LMBRD1: variants seen among roughly 807,000 people sequenced by gnomAD.
LMBRD1 encodes the protein LMBR1 domain containing 1.
A neutral mutation model predicts 74.8 loss-of-function variants in LMBRD1; 64 were observed. The ratio of observed to expected loss-of-function variants is 0.86; its 90% confidence interval spans 0.70 to 1.05. The LOEUF is 1.05. LMBRD1 is among the 50% of genes least tolerant of loss of function. The pLI is 0.00. For missense variants in LMBRD1, 652 were observed against 645.9 expected (o/e 1.01, Z -0.10); for synonymous variants, 204 against 216.3 (o/e 0.94, Z 0.50).
At chr6:69,695,234 G>C (rs1765969343) in intron 14 of LMBRD1, among the ~76,000 whole-genome samples, 1 of 151,202 alleles carries the variant, frequency 6.6e-6, no homozygotes, top group South Asian at 2.1e-4. Flanking sequence ...TATCCCTGAA[G>C]TCTCTCCTAA....
intron 1 of LMBRD1, among the ~76,000 whole-genome samples, chr6:69,795,316 T>C (rs756380325): frequency 1.3e-5 from 2 of 152,228 alleles, no homozygotes; most frequent in African/African-American, 2.4e-5. Context: ...ACCACAATTC[T>C]CATTTTCTTC....
chr6:69,791,060 GAA>G (rs1366133002), intron 1 of LMBRD1, among the ~76,000 whole-genome samples: 1 of 152,186 alleles, frequency 6.6e-6, no homozygotes, highest in Non-Finnish European at 1.5e-5. Flanking sequence ...GCTTTCCAGT[GAA>G]AAAAGTTCAC....
At chr6:69,699,922 T>C (rs1766089953) in intron 12 of LMBRD1, among the ~76,000 whole-genome samples, 2 of 151,980 alleles carry the variant, frequency 1.3e-5, no homozygotes, top group South Asian at 4.1e-4. Context: ...TGTGATAAAA[T>C]ATTAAACATG....
At chr6:69,744,426 C>T (rs576934338) in intron 5 of LMBRD1, among the ~76,000 whole-genome samples, 1 of 152,260 alleles carries the variant, frequency 6.6e-6, no homozygotes, top group Non-Finnish European at 1.5e-5. Flanking sequence ...CAAACTACAG[C>T]CTAGTAAGAT....
chr6:69,773,715 T>C (rs1765622172), intron 3 of LMBRD1, among the ~76,000 whole-genome samples: 1 of 152,234 alleles, frequency 6.6e-6, no homozygotes, highest in South Asian at 2.1e-4. Flanking sequence ...TGAACATCCA[T>C]ACAATGGAAA....
chr6:69,721,809 C>T (rs1285093559), intron 7 of LMBRD1, among the ~76,000 whole-genome samples: 1 of 152,112 alleles, frequency 6.6e-6, no homozygotes, highest in African/African-American at 2.4e-5. Flanking sequence ...TTAGACATGC[C>T]CTGTCCAGAA....
At chr6:69,774,386 A>G (rs1562121336) in intron 3 of LMBRD1, among the ~76,000 whole-genome samples, 1 of 152,348 alleles carries the variant, frequency 6.6e-6, no homozygotes, top group South Asian at 2.1e-4. Flanking sequence ...GAACAGGCTA[A>G]TAACATGAGG....
chr6:69,734,397 A>AT (rs66556444), intron 7 of LMBRD1, among the ~76,000 whole-genome samples: 2,390 of 144,248 alleles, frequency 0.017, 53 homozygotes, highest in African/African-American at 0.056. Context: ...AACAAAACCA[A>AT]TTTTTTTTTT....
intron 14 of LMBRD1, among the ~76,000 whole-genome samples, chr6:69,688,579 C>T (rs190654093): frequency 6.6e-6 from 1 of 151,828 alleles, no homozygotes; most frequent in East Asian, 1.9e-4. Context: ...CTTCAGTTAC[C>T]TTCAGTTAAC....
chr6:69,730,285 A>G (rs1766827579), intron 7 of LMBRD1, among the ~76,000 whole-genome samples: 1 of 152,118 alleles, frequency 6.6e-6, no homozygotes, highest in South Asian at 2.1e-4. Context: ...GCTGGTTTCC[A>G]ACTCTGCAGG....
chr6:69,705,340 T>C (rs1488710530), intron 9 of LMBRD1: 4 of 775,438 alleles, frequency 5.2e-6, no homozygotes, highest in Non-Finnish European at 9.2e-6. Flanking sequence ...TGGTCAGTCA[T>C]CCGGAAGCAA....
At chr6:69,705,276 AAACT>A in intron 9 of LMBRD1, 1 of 726,452 alleles carries the variant, frequency 1.4e-6, no homozygotes, top group Non-Finnish European at 2.5e-6. Context: ...CAAATTGTTT[AAACT>A]ATTTTCTTAA....
intron 13 of LMBRD1, 87 bp from the exon 14 acceptor site, chr6:69,697,728 T>A: frequency 2.9e-5 from 22 of 750,564 alleles, no homozygotes; most frequent in Non-Finnish European, 4.4e-5. Context: ...AACTGTATAC[T>A]CTGTATACTA....
chr6:69,783,052 A>G (rs1765872263), intron 2 of LMBRD1, among the ~76,000 whole-genome samples: 1 of 152,250 alleles, frequency 6.6e-6, no homozygotes, highest in Admixed American at 6.5e-5. Flanking sequence ...GCATAGATAA[A>G]TATCTATGAA....
intron 1 of LMBRD1, among the ~76,000 whole-genome samples, chr6:69,793,252 T>C (rs757907706): frequency 6.6e-6 from 1 of 152,210 alleles, no homozygotes; most frequent in Non-Finnish European, 1.5e-5. Context: ...CACTGAGATT[T>C]TTAAAACTCC....
At chr6:69,783,911 A>G (rs1327141808) in intron 2 of LMBRD1, among the ~76,000 whole-genome samples, 1 of 152,204 alleles carries the variant, frequency 6.6e-6, no homozygotes, top group African/African-American at 2.4e-5. Flanking sequence ...AAGCAAAAGA[A>G]TCATTGAAAT....
rs769039224 is a variant in LMBRD1, at chr6:69,676,467, T to C, written c.1492A>G (p.Asn498Asp). The C allele has an allele frequency of 6.2e-7, 1 of 1,613,488 alleles. No homozygotes were observed. The highest frequency in any genetic ancestry group is 8.5e-7 in the Non-Finnish European group (1 of 1,179,578). The change falls in exon 15 of 16, where the codon AAC (asparagine) becomes GAC (aspartate). Residue 498 changes from asparagine to aspartate, a missense_variant. This residue lies in a region of LMBRD1 where 3 missense variants were observed against 17.2 expected (regional missense o/e 0.17). Transcript: ENST00000649934. ...WFFSAAYYFG[N>D]WAFLGVFLIG... ...GCACTTACCCCAAGAAAGGCCCAGTTACCAAAATAGTAAGCAGCACTGAAG... is the reference window on the plus strand; with the variant it reads ...GCACTTACCCCAAGAAAGGCCCAGTCACCAAAATAGTAAGCAGCACTGAAG...
In LMBRD1 at chr6:69,790,476, A is replaced by C. The variant is rs1766056129; in HGVS notation, c.70-4T>G. 1 of 1,613,282 alleles carries C rather than the reference A, an allele frequency of 6.2e-7. No homozygotes were observed. The highest frequency in any genetic ancestry group is 8.5e-7 in the Non-Finnish European group (1 of 1,179,490). On this transcript the variant is annotated splice_region_variant and splice_polypyrimidine_tract_variant and intron_variant, in intron 1 of 15. Transcript: ENST00000649934. ...TCCAGCAGAATGCCAAAATAGCCTG[A>C]AATAGAACAAAAAGAGATGTTTGTT... is the stretch of plus-strand genomic sequence containing the variant.
intron 2 of LMBRD1, among the ~76,000 whole-genome samples, chr6:69,788,550 CTTAT>C (rs1766010661): frequency 6.6e-6 from 1 of 152,080 alleles, no homozygotes; most frequent in Non-Finnish European, 1.5e-5. Context: ...TAAAATGACA[CTTAT>C]TTATCAGAGA....
Sources: gnomAD v4.1 joint callset for allele counts (sites outside exome capture counted in the v4.1 genomes callset) on GRCh38, gnomAD v4.1.1 for gene constraint, gnomAD v4.1.1 regional missense constraint, MANE v1.5 for transcripts, NCBI Gene and HGNC (gene_info 2026-07-23, HGNC 2026-07-21) for gene names.